Variants in NTRK3 observed in about 807,000 individuals in gnomAD.
The protein encoded by NTRK3 is NT-3 growth factor receptor.
Under a neutral mutation model 91.7 loss-of-function variants are expected in NTRK3, and 24 were observed. The ratio of observed to expected loss-of-function variants is 0.26; its 90% CI spans 0.19 to 0.37. The LOEUF (loss-of-function observed/expected upper bound fraction) is 0.37, where lower values mean the gene tolerates loss of function less well. Among genes scored for constraint, NTRK3 ranks in the 10% least tolerant of loss-of-function variants. NTRK3 has a pLI of 1.00. For synonymous variants in NTRK3, 483 were observed against 404.0 expected, an observed-to-expected ratio of 1.20 and a Z score of -2.34; for missense variants, 880 against 1,068.9, an observed-to-expected ratio of 0.82 and a Z score of 2.46.
chr15:88,147,117 G>A (rs1488873488), intron 6 of NTRK3, among the ~76,000 whole-genome samples: 1 of 152,088 alleles, frequency 6.6e-6, no homozygotes, highest in Non-Finnish European at 1.5e-5. Context: ...AGAGACTCCT[G>A]TCTTCTGAAA....
chr15:87,875,644 G>A (rs918643702), exon 19 of NTRK3: 3 of 232,442 alleles, frequency 1.3e-5, no homozygotes, highest in African/African-American at 6.6e-5. Flanking sequence ...CCCAGGGGCT[G>A]GAAACGTGAG....
At chr15:88,115,422 G>A (rs537820705) in intron 13 of NTRK3, among the ~76,000 whole-genome samples, 71 of 152,296 alleles carry the variant, frequency 4.7e-4, no homozygotes, top group African/African-American at 1.2e-3. Flanking sequence ...CTGGTCCAAG[G>A]CTAACCCACT....
chr15:87,928,420 C>A (rs1231485432), intron 17 of NTRK3: 3 of 152,086 alleles, frequency 2.0e-5, no homozygotes, highest in Non-Finnish European at 4.4e-5. Context: ...AATAATAACA[C>A]TATCAGAATC....
intron 13 of NTRK3, among the ~76,000 whole-genome samples, chr15:88,097,348 GT>G (rs530988159): frequency 2.0e-5 from 3 of 152,158 alleles, no homozygotes; most frequent in Non-Finnish European, 4.4e-5. Flanking sequence ...TATGAAGAGT[GT>G]GATTATGTAT....
intron 17 of NTRK3, among the ~76,000 whole-genome samples, chr15:87,889,922 C>T (rs1448126845): frequency 1.3e-5 from 2 of 151,340 alleles, no homozygotes; most frequent in African/African-American, 2.4e-5. Context: ...TATAGGATTC[C>T]CCTACCTTCT....
intron 13 of NTRK3, among the ~76,000 whole-genome samples, chr15:88,112,159 G>A (rs1377851437): frequency 6.6e-6 from 1 of 152,136 alleles, no homozygotes; most frequent in Non-Finnish European, 1.5e-5. Context: ...GCCCGCCTTG[G>A]CCTCCCAAAG....
At chr15:88,063,950 C>T (rs993305361) in intron 13 of NTRK3, among the ~76,000 whole-genome samples, 2 of 152,128 alleles carry the variant, frequency 1.3e-5, no homozygotes, top group Non-Finnish European at 2.9e-5. Flanking sequence ...CCTCAAACCT[C>T]AGAATGTGAC....
intron 13 of NTRK3, among the ~76,000 whole-genome samples, chr15:88,051,452 A>G (rs1321154635): frequency 6.6e-6 from 1 of 152,066 alleles, no homozygotes; most frequent in Non-Finnish European, 1.5e-5. Context: ...AGTTGTTGTG[A>G]CTCCATGCTT....
chr15:88,162,590 G>C (rs943420433), intron 5 of NTRK3, among the ~76,000 whole-genome samples: 1 of 152,216 alleles, frequency 6.6e-6, no homozygotes, highest in South Asian at 2.1e-4. Context: ...AACGCACTCA[G>C]CATACGCGCT....
intron 14 of NTRK3, among the ~76,000 whole-genome samples, chr15:87,989,435 T>C (rs2075110197): frequency 1.3e-5 from 2 of 151,872 alleles, no homozygotes; most frequent in South Asian, 2.1e-4. Context: ...TTCTCACTCA[T>C]AGGTGGGAAT....
At chr15:87,998,518 C>T (rs998316672) in intron 14 of NTRK3, among the ~76,000 whole-genome samples, 1 of 152,224 alleles carries the variant, frequency 6.6e-6, no homozygotes, top group African/African-American at 2.4e-5. Context: ...AGCTCTCGTG[C>T]AAACAAGTCA....
At chr15:87,992,388 C>T (rs993435698) in intron 14 of NTRK3, among the ~76,000 whole-genome samples, 63 of 152,276 alleles carry the variant, frequency 4.1e-4, no homozygotes, top group African/African-American at 1.5e-3. Context: ...ATCCAATTGC[C>T]GTTCAATCCT....
Position 88,078,553 on chromosome 15 carries a change from C to T in NTRK3, c.1397-45508G>A, listed in dbSNP as rs776150883. Among the ~76,000 whole-genome samples, 11 of 152,236 alleles carry T rather than the reference C, an allele frequency of 7.2e-5. No homozygotes were observed. The South Asian group carries it at 8.3e-4, about 11-fold the overall frequency. ...TAATCTCAGCTACTCAGGAGGCTGA[C>T]GCAGGAGAATCACTTGAACCCGGGA... On this transcript the variant is annotated intron_variant, in intron 13 of 18. Transcript: ENST00000394480.
chr15:87,976,370 C>A (rs922454658), intron 14 of NTRK3, among the ~76,000 whole-genome samples: 3 of 152,176 alleles, frequency 2.0e-5, no homozygotes, highest in African/African-American at 7.2e-5. Context: ...ACCAACCTAG[C>A]CTGATCAACT....
At chr15:88,145,859 TA>T (rs202037703) in intron 6 of NTRK3, among the ~76,000 whole-genome samples, 1,620 of 144,338 alleles carry the variant, frequency 0.011, 36 homozygotes, top group African/African-American at 0.04. Context: ...GTGTTTTTTT[TA>T]AAATTATGGT....
chr15:87,989,657 A>T (rs1425676665), intron 14 of NTRK3, among the ~76,000 whole-genome samples: 1 of 152,200 alleles, frequency 6.6e-6, no homozygotes, highest in Non-Finnish European at 1.5e-5. Flanking sequence ...ATAAAAAAAA[A>T]GTCCAAGAAA....
At chr15:88,079,932 A>AT (rs1255510170) in intron 13 of NTRK3, among the ~76,000 whole-genome samples, 1 of 152,144 alleles carries the variant, frequency 6.6e-6, no homozygotes, top group African/African-American at 2.4e-5. Context: ...ACCAATATGG[A>AT]TTTTTTGTTG....
chr15:87,860,493 T>A (rs984749422), exon 19 of NTRK3: 33 of 192,636 alleles, frequency 1.7e-4, no homozygotes, highest in Non-Finnish European at 3.0e-4. Flanking sequence ...TTTTTTTTTT[T>A]ACATAAATGA....
chr15:88,026,044 G>A (rs2078009444), intron 14 of NTRK3, among the ~76,000 whole-genome samples: 1 of 152,150 alleles, frequency 6.6e-6, no homozygotes, highest in African/African-American at 2.4e-5. Flanking sequence ...GGCCGGGACG[G>A]GTAGATCACT....
Sources: gnomAD v4.1 joint callset for allele counts (sites outside exome capture counted in the v4.1 genomes callset) on GRCh38, gnomAD v4.1.1 for gene constraint, MANE v1.5 for transcripts, NCBI Gene and HGNC (gene_info 2026-07-23, HGNC 2026-07-21) for gene names.